Variants in EEIG2 observed in about 807,000 individuals in gnomAD.
The protein encoded by EEIG2 is EEIG family member 2, also known as family with sequence similarity 102 member B.
the EEIG2 span, among the ~76,000 whole-genome samples, chr1:108,609,186 A>C: frequency 6.6e-6 from 1 of 152,224 alleles, no homozygotes; most frequent in Non-Finnish European, 1.5e-5. Context: ...TGGTAAGCCA[A>C]TGGGCTATTG....
the EEIG2 span, chr1:108,639,124 G>C: frequency 6.6e-6 from 1 of 152,070 alleles, no homozygotes; most frequent in African/African-American, 2.4e-5. Flanking sequence ...TAACTTTACT[G>C]AAGTGATTCC....
the EEIG2 span, chr1:108,629,608 G>T: frequency 6.2e-7 from 1 of 1,611,238 alleles, no homozygotes. Flanking sequence ...AAGGCTATTT[G>T]TGGGTCCTGG....
chr1:108,560,444 A>T, the EEIG2 span: 20 of 1,610,738 alleles, frequency 1.2e-5, no homozygotes, highest in East Asian at 4.5e-5. Context: ...GAAGAAGAAG[A>T]AGTTTAAGTT....
At chr1:108,596,443 C>T in the EEIG2 span, among the ~76,000 whole-genome samples, 2 of 152,204 alleles carry the variant, frequency 1.3e-5, no homozygotes, top group South Asian at 4.2e-4. Context: ...TGCCCTCTAT[C>T]CTTGCAATGT....
the EEIG2 span, chr1:108,612,269 C>T: frequency 2.5e-6 from 4 of 1,611,980 alleles, no homozygotes; most frequent in Admixed American, 3.4e-5. Context: ...ACCAAAAATA[C>T]AAGACAGGAT....
the EEIG2 span, among the ~76,000 whole-genome samples, chr1:108,571,803 G>T: frequency 6.6e-6 from 1 of 151,954 alleles, no homozygotes; most frequent in African/African-American, 2.4e-5. Context: ...CCTCCTTACT[G>T]TCTCACACCC....
chr1:108,638,939 AT>A, the EEIG2 span: 2 of 152,224 alleles, frequency 1.3e-5, no homozygotes, highest in African/African-American at 4.8e-5. Context: ...TACACAATGT[AT>A]TCTGCATTTT....
the EEIG2 span, among the ~76,000 whole-genome samples, chr1:108,599,652 ACCT>A: frequency 6.6e-6 from 1 of 152,020 alleles, no homozygotes; most frequent in South Asian, 2.1e-4. Context: ...CTTCTCTACC[ACCT>A]CCTACTTAAA....
At chr1:108,563,165 A>C in the EEIG2 span, among the ~76,000 whole-genome samples, 2 of 152,196 alleles carry the variant, frequency 1.3e-5, no homozygotes, top group East Asian at 3.9e-4. Context: ...ATGGTTCCAT[A>C]CATGATACAA....
chr1:108,572,442 C>A, the EEIG2 span, among the ~76,000 whole-genome samples: 1 of 151,830 alleles, frequency 6.6e-6, no homozygotes, highest in Non-Finnish European at 1.5e-5. Context: ...AAGTTCACAG[C>A]TTACATTAGG....
chr1:108,616,495 T>C, the EEIG2 span: 1 of 1,083,116 alleles, frequency 9.2e-7, no homozygotes, highest in African/African-American at 1.6e-5. Flanking sequence ...TGTTTAAATT[T>C]TTACATTAAT....
the EEIG2 span, among the ~76,000 whole-genome samples, chr1:108,561,044 T>G: frequency 6.6e-6 from 1 of 152,132 alleles, no homozygotes; most frequent in Admixed American, 6.5e-5. Context: ...TTGACTTGAG[T>G]CAAGTGCTCC....
the EEIG2 span, among the ~76,000 whole-genome samples, chr1:108,570,497 G>T: frequency 6.6e-6 from 1 of 152,178 alleles, no homozygotes; most frequent in Non-Finnish European, 1.5e-5. Flanking sequence ...TAGCAACCAA[G>T]AAAGGTAGAA....
chr1:108,628,608 A>G, the EEIG2 span: 1 of 1,573,998 alleles, frequency 6.4e-7, no homozygotes, highest in Non-Finnish European at 8.6e-7. Flanking sequence ...TTAAAGAATA[A>G]ATTTTAATTT....
At chr1:108,571,796 CCTTA>C in the EEIG2 span, among the ~76,000 whole-genome samples, 4 of 152,148 alleles carry the variant, frequency 2.6e-5, no homozygotes, top group African/African-American at 9.7e-5. Flanking sequence ...CGTCCTTCCT[CCTTA>C]CTGTCTCACA....
At chr1:108,573,937 G>A in the EEIG2 span, among the ~76,000 whole-genome samples, 1 of 152,192 alleles carries the variant, frequency 6.6e-6, no homozygotes, top group South Asian at 2.1e-4. Context: ...TGCATTGTTG[G>A]GAATGTAAAA....
the EEIG2 span, among the ~76,000 whole-genome samples, chr1:108,571,556 G>T: frequency 6.6e-6 from 1 of 152,160 alleles, no homozygotes; most frequent in African/African-American, 2.4e-5. Flanking sequence ...AGGTGACCAA[G>T]ACTTTCATCT....
chr1:108,636,856 G>A, the EEIG2 span: 1 of 152,196 alleles, frequency 6.6e-6, no homozygotes, highest in Non-Finnish European at 1.5e-5. Context: ...TTTTTATAGA[G>A]ATATGAAGAT....
the EEIG2 span, among the ~76,000 whole-genome samples, chr1:108,585,715 C>T: frequency 4.6e-5 from 7 of 152,140 alleles, no homozygotes; most frequent in East Asian, 1.9e-4. Context: ...TTACTTCATC[C>T]GCATAAGTGC....
Sources: allele counts gnomAD v4.1 joint callset (sites outside exome capture counted in the v4.1 genomes callset), GRCh38; gene constraint gnomAD v4.1.1; transcripts MANE v1.5; gene names NCBI Gene and HGNC (gene_info 2026-07-23, HGNC 2026-07-21).